Variants in ARHGEF10 observed in about 807,000 individuals in gnomAD.
ARHGEF10 encodes the protein Rho guanine nucleotide exchange factor 10.
Under a neutral mutation model 147.4 loss-of-function variants are expected in ARHGEF10, and 140 were observed. That is an observed-to-expected ratio of 0.95 (90% confidence interval 0.83 to 1.09). The LOEUF (loss-of-function observed/expected upper bound fraction) is 1.09, where lower values mean the gene tolerates loss of function less well. Among genes scored for constraint, ARHGEF10 ranks in the 50% least tolerant of loss-of-function variants. The pLI is 0.00. For synonymous variants in ARHGEF10, 902 were observed against 695.8 expected, an observed-to-expected ratio of 1.30 and a Z score of -4.67; for missense variants, 2,222 against 1,752.7, an observed-to-expected ratio of 1.27 and a Z score of -4.78.
chr8:1,861,449 A>G (rs912078238), intron 4 of ARHGEF10, among the ~76,000 whole-genome samples: 1 of 152,202 alleles, frequency 6.6e-6, no homozygotes, highest in African/African-American at 2.4e-5. Flanking sequence ...TCTCAGCCGA[A>G]GTTTTCCTTT....
At chr8:1,881,670 G>A (rs1483402910) in intron 9 of ARHGEF10, among the ~76,000 whole-genome samples, 3 of 152,154 alleles carry the variant, frequency 2.0e-5, no homozygotes, top group East Asian at 1.9e-4. Flanking sequence ...GAACGCTTCA[G>A]GAAGGCAGCC....
At chr8:1,926,836 A>C (rs139230664) in intron 23 of ARHGEF10, 1 of 320,590 alleles carries the variant, frequency 3.1e-6, no homozygotes, top group African/African-American at 2.2e-5. Context: ...TAGCAGTTAA[A>C]ATTAATTTGT....
intron 7 of ARHGEF10, 96 bp from the exon 8 acceptor site, chr8:1,876,475 C>A: frequency 7.8e-7 from 1 of 1,284,966 alleles, no homozygotes. Flanking sequence ...CCTTCCACCC[C>A]CAGCTCTAGA....
chr8:1,895,680 A>G (rs545042660), intron 13 of ARHGEF10, among the ~76,000 whole-genome samples: 2 of 152,342 alleles, frequency 1.3e-5, no homozygotes, highest in East Asian at 3.9e-4. Flanking sequence ...TAGAATTTTG[A>G]TGAAAACATT....
intron 8 of ARHGEF10, among the ~76,000 whole-genome samples, chr8:1,878,062 C>G (rs961158464): frequency 6.6e-6 from 1 of 152,168 alleles, no homozygotes; most frequent in Admixed American, 6.5e-5. Context: ...GGAGAATCTA[C>G]TAGATCTTGG....
intron 26 of ARHGEF10, among the ~76,000 whole-genome samples, chr8:1,942,785 C>T (rs1257133397): frequency 1.3e-5 from 2 of 152,138 alleles, no homozygotes; most frequent in Admixed American, 6.5e-5. Flanking sequence ...ACTCACGTCA[C>T]GTGGATGAAC....
At chr8:1,902,125 T>A (rs9969605) in intron 15 of ARHGEF10, among the ~76,000 whole-genome samples, 16,858 of 152,008 alleles carry the variant, frequency 0.11, 980 homozygotes, top group Middle Eastern at 0.14. Context: ...CATTAGGTAT[T>A]TGTCTTAATG....
chr8:1,876,406 C>A, intron 7 of ARHGEF10, 165 bp from the exon 8 acceptor site: 1 of 721,322 alleles, frequency 1.4e-6, no homozygotes, highest in Non-Finnish European at 2.4e-6. Flanking sequence ...AGGCGCTGCA[C>A]GGTGCCTTCC....
chr8:1,957,093 G>A lies in ARHGEF10; in HGVS notation c.3865G>A (p.Val1289Ile). 1.2e-6 allele frequency: 2 copies of A among 1,613,404 alleles called. No individual in the cohort carries two copies. The highest frequency in any genetic ancestry group is 2.2e-5 in the East Asian group (1 of 44,880). The change falls in exon 29 of 29, where the codon GTC becomes ATC. Residue 1289 changes from valine to isoleucine, a missense_variant. Transcript: ENST00000349830. Reference sequence around the variant, plus strand: ...CATCTATGATCTCCTGAAGGATCCTGTCTCGCTGAGAAGCAAAGCACGCCG... The same window carrying A: ...CATCTATGATCTCCTGAAGGATCCTATCTCGCTGAGAAGCAAAGCACGCCG... ...STIYDLLKDP[V>I]SLRSKARRAK...
chr8:1,849,807 G>GTGTGGA (rs1804896982), intron 2 of ARHGEF10, among the ~76,000 whole-genome samples: 1 of 129,220 alleles, frequency 7.7e-6, no homozygotes, highest in African/African-American at 3.1e-5. Context: ...TGGGCCGGCT[G>GTGTGGA]CGTGGACACA....
intron 1 of ARHGEF10, among the ~76,000 whole-genome samples, chr8:1,841,264 A>G (rs1274647381): frequency 2.2e-5 from 2 of 91,794 alleles, no homozygotes; most frequent in East Asian, 5.9e-4. Context: ...AAGCTAGGGT[A>G]AAAGTAATCT....
chr8:1,855,582 G>T lies in ARHGEF10; in HGVS notation c.38-2378G>T, dbSNP rs546311055. Among the ~76,000 whole-genome samples the T allele has an allele frequency of 3.3e-5, 5 of 151,502 alleles. No homozygotes were observed. In the South Asian group the frequency reaches 1.0e-3, roughly 32 times the overall value. ...CCTTTTTTTTTTTTTAAGAGACGGG[G>T]TTTCACTATGTTGTCCAGGCTGGTC... On this transcript the variant is annotated intron_variant, in intron 2 of 28. Coordinates refer to ENST00000349830, the MANE Select transcript of ARHGEF10 (RefSeq NM_014629.4).
At chr8:1,865,756 C>T (rs989747080) in intron 5 of ARHGEF10, among the ~76,000 whole-genome samples, 5 of 152,184 alleles carry the variant, frequency 3.3e-5, no homozygotes, top group East Asian at 1.9e-4. Context: ...GAACATTTTC[C>T]GAGGCCTTCC....
intron 6 of ARHGEF10, among the ~76,000 whole-genome samples, chr8:1,868,700 A>T (rs966833556): frequency 6.6e-6 from 1 of 152,142 alleles, no homozygotes; most frequent in African/African-American, 2.4e-5. Flanking sequence ...TCATTGGTTT[A>T]TTGGGATGGT....
At chr8:1,879,403 T>A (rs1386278623) in intron 8 of ARHGEF10, among the ~76,000 whole-genome samples, 1 of 152,222 alleles carries the variant, frequency 6.6e-6, no homozygotes, top group Non-Finnish European at 1.5e-5. Flanking sequence ...ATTTATTGGA[T>A]AATTTTTATT....
intron 26 of ARHGEF10, among the ~76,000 whole-genome samples, chr8:1,941,393 T>G (rs942988625): frequency 6.6e-6 from 1 of 152,180 alleles, no homozygotes; most frequent in Non-Finnish European, 1.5e-5. Flanking sequence ...TGGAGAAATT[T>G]TTAATCAAAA....
rs757830506 is a variant in ARHGEF10 at position 1,828,213 on chromosome 8, CT to C, written c.-48+4103del. On this transcript the variant is annotated intron_variant, in intron 1 of 28. Transcript: ENST00000349830. Reference sequence around the variant, plus strand: ...GTTGCTTCCGTGCTGAGATCACGTTCTTTGTTTTGTTTTGTGCCCGTGGCTT... The same window carrying C: ...GTTGCTTCCGTGCTGAGATCACGTTCTTGTTTTGTTTTGTGCCCGTGGCTT... Among the ~76,000 whole-genome samples, 11 of 152,308 alleles carry C rather than the reference CT, an allele frequency of 7.2e-5. No homozygotes were observed. In the East Asian group the frequency reaches 1.7e-3, roughly 24 times the overall value.
At chr8:1,923,136 G>A in intron 19 of ARHGEF10, 57 bp downstream of exon 19, 1 of 1,291,452 alleles carries the variant, frequency 7.7e-7, no homozygotes, top group Non-Finnish European at 1.1e-6. Context: ...GTCATTGTAA[G>A]TATGTGATTA....
chr8:1,892,229 C>G (rs1459964114), intron 11 of ARHGEF10, among the ~76,000 whole-genome samples: 4 of 145,864 alleles, frequency 2.7e-5, no homozygotes, highest in Admixed American at 1.4e-4. Flanking sequence ...TCTGACGTTT[C>G]CTGTGAATCA....
Sources: gnomAD v4.1 joint callset for allele counts (sites outside exome capture counted in the v4.1 genomes callset) on GRCh38, gnomAD v4.1.1 for gene constraint, MANE v1.5 for transcripts, NCBI Gene and HGNC (gene_info 2026-07-23, HGNC 2026-07-21) for gene names.